The following CEP250 variants were observed in gnomAD, a reference collection of about 807,000 sequenced individuals.
The protein encoded by CEP250 is centrosomal protein 250, also known as centrosome-associated protein CEP250.
In CEP250, 242 loss-of-function variants were observed where a neutral mutation model predicts 315.7. The observed-to-expected ratio is 0.77, with a 90% CI of 0.69 to 0.85. CEP250 has a LOEUF of 0.85. Among genes scored for constraint, CEP250 ranks in the 40% least tolerant of loss-of-function variants. The pLI, the probability that CEP250 is intolerant of heterozygous loss-of-function variation, is 0.00. For synonymous variants in CEP250, 1,088 were observed against 1,175.0 expected, an observed-to-expected ratio of 0.93 and a Z score of 1.51; for missense variants, 2,515 against 2,886.4, an observed-to-expected ratio of 0.87 and a Z score of 2.95.
chr20:35,475,774 G>T, intron 15 of CEP250, 128 bp downstream of exon 15: 2 of 1,028,966 alleles, frequency 1.9e-6, no homozygotes, highest in Non-Finnish European at 2.9e-6. Context: ...CTGCTTCTGG[G>T]TTCTCTATTC....
At chr20:35,501,630 G>A (rs1037441575) in intron 28 of CEP250, among the ~76,000 whole-genome samples, 3 of 152,174 alleles carry the variant, frequency 2.0e-5, no homozygotes, top group Non-Finnish European at 4.4e-5. Flanking sequence ...GGGGCTGGCA[G>A]CAGCAGGGAG....
At chr20:35,510,919 C>T (rs1245605226) in intron 34 of CEP250, among the ~76,000 whole-genome samples, 4 of 152,022 alleles carry the variant, frequency 2.6e-5, no homozygotes, top group South Asian at 2.1e-4. Context: ...CACTTGAACC[C>T]GATGGGGTGG....
chr20:35,503,072 A>G lies in CEP250; in HGVS notation c.4703A>G (p.Lys1568Arg). Residue 1568 changes from lysine to arginine, a missense_variant, in exon 30 of 35, where the codon AAG becomes AGG. Coordinates refer to ENST00000397527, the MANE Select transcript of CEP250 (RefSeq NM_007186.6). This position sits in a 1 kb window ranked among gnomAD's most constrained non-coding sequence, Gnocchi z 4.2. ...CTGGAACTGGAGGAAAACCATCACA[A>G]GATGGAGTGCCAGCAAAAACTGATC... is the stretch of plus-strand genomic sequence containing the variant. Reference protein sequence around the residue: ...LALELEENHHKMECQQKLIKE... With the variant: ...LALELEENHHRMECQQKLIKE... 1.2e-6 allele frequency: 2 copies of G among 1,614,164 alleles called. No homozygotes were observed. The highest frequency in any genetic ancestry group is 2.2e-5 in the South Asian group (2 of 91,084).
intron 3 of CEP250, 81 bp downstream of exon 3, chr20:35,460,186 C>T (rs758753759): frequency 1.3e-5 from 2 of 152,152 alleles, no homozygotes; most frequent in African/African-American, 2.4e-5. Flanking sequence ...TCCCCTGGTT[C>T]GTAGGCTAGG....
intron 14 of CEP250, among the ~76,000 whole-genome samples, chr20:35,475,289 C>T (rs1412771855): frequency 6.6e-6 from 1 of 152,194 alleles, no homozygotes; most frequent in Non-Finnish European, 1.5e-5. Flanking sequence ...ATTCTTTCTT[C>T]CCCCACTTTC....
Position 35,518,475 on chromosome 20 carries a change from T to A in CEP250, c.*6849T>A, listed in dbSNP as rs2064453437. On this transcript the variant is annotated 3_prime_UTR_variant, in exon 35 of 35. Coordinates refer to ENST00000397527, the MANE Select transcript of CEP250 (RefSeq NM_007186.6). ...TATTTGGTTACCCTGAACTACTGTT[T>A]CTACCAAAAAGGCAGGATAAATGCT... The A allele has an allele frequency of 6.6e-6, 1 of 152,172 alleles. No individual in the cohort carries two copies. Among genetic ancestry groups the A allele is most frequent in the Non-Finnish European group, 1.5e-5 (1 of 68,032 alleles). The allele number at this position is 152,172 out of a possible 1,614,324, so 9.4% of individuals were successfully genotyped here.
chr20:35,511,500 C>G lies in CEP250; in HGVS notation c.7203C>G (p.Ala2401=). 1 of 1,614,180 alleles carries G rather than the reference C, an allele frequency of 6.2e-7. No individual in the cohort carries two copies. Among genetic ancestry groups the G allele is most frequent in the Non-Finnish European group, 8.5e-7 (1 of 1,180,032 alleles). The change falls in exon 35 of 35, where the codon GCC becomes GCG. Residue 2401 remains alanine (A), a synonymous_variant. Coordinates refer to ENST00000397527, the MANE Select transcript of CEP250 (RefSeq NM_007186.6). ...ACTCACTTCTTGCCGTGGCCCAGGC[C>G]CCTGAGGCCACTGTCCTGGAGGCAG... ...LSHSLLAVAQ[A]PEATVLEAET...
At chr20:35,480,871 C>G (rs1455282665) in intron 20 of CEP250, among the ~76,000 whole-genome samples, 1 of 152,046 alleles carries the variant, frequency 6.6e-6, no homozygotes, top group Admixed American at 6.6e-5. Flanking sequence ...CAGCTGTGAG[C>G]CACTGTGCCT....
intron 20 of CEP250, among the ~76,000 whole-genome samples, chr20:35,484,718 G>A (rs1180676650): frequency 2.0e-5 from 3 of 151,928 alleles, no homozygotes; most frequent in African/African-American, 7.3e-5. Flanking sequence ...TGAGTAGCTG[G>A]GACCACAGGC....
intron 30 of CEP250, among the ~76,000 whole-genome samples, chr20:35,506,434 G>T (rs1042751078): frequency 6.6e-6 from 1 of 152,104 alleles, no homozygotes; most frequent in African/African-American, 2.4e-5. Flanking sequence ...TTGTACCCCC[G>T]GTACTGAGCA....
intron 1 of CEP250, among the ~76,000 whole-genome samples, chr20:35,456,786 C>T (rs889351603): frequency 1.4e-5 from 2 of 141,362 alleles, no homozygotes; most frequent in African/African-American, 5.2e-5. Context: ...CCTCCCCCCA[C>T]TTTTTTTTTT....
intron 14 of CEP250, among the ~76,000 whole-genome samples, chr20:35,474,358 A>G (rs534520495): frequency 1.3e-5 from 2 of 152,336 alleles, no homozygotes; most frequent in African/African-American, 2.4e-5. Flanking sequence ...AGGCTGGATG[A>G]AGTATGAGTT....
Position 35,466,033 on chromosome 20 carries a change from GT to G in CEP250, c.327-5del. ...TTGCACCCACTTTTACCCCTCCCCA[GT>G]GCAGGTGTGAGAGTCTAGCAGAGGT... On this transcript the variant is annotated splice_polypyrimidine_tract_variant and splice_region_variant and intron_variant, in intron 6 of 34. Coordinates refer to ENST00000397527, the MANE Select transcript of CEP250 (RefSeq NM_007186.6). 1 of 1,614,174 alleles carries G rather than the reference GT, an allele frequency of 6.2e-7. No homozygotes were observed. Among genetic ancestry groups the G allele is most frequent in the Non-Finnish European group, 8.5e-7 (1 of 1,180,024 alleles).
Position 35,497,839 on chromosome 20 carries a change from T to G in CEP250, c.3427T>G (p.Trp1143Gly). ...ITEQQLRASL[W>G]AQEAKAAQLQ... ...GGAGCAGCAGCTGCGAGCCTCCTTG[T>G]GGGCCCAGGAAGCCAAGGCAGCCCA... The change falls in exon 26 of 35, where the codon TGG becomes GGG. Residue 1143 changes from tryptophan (W) to glycine (G), a missense_variant. Coordinates refer to ENST00000397527, the MANE Select transcript of CEP250 (RefSeq NM_007186.6). The G allele has an allele frequency of 6.3e-7, 1 of 1,581,046 alleles. No homozygotes were observed.
At chr20:35,488,177 C>A (rs1442961233) in intron 20 of CEP250, among the ~76,000 whole-genome samples, 3 of 152,214 alleles carry the variant, frequency 2.0e-5, no homozygotes, top group Admixed American at 6.5e-5. Flanking sequence ...AGAATTAGCT[C>A]TTCTTGTAGC....
In CEP250 at chr20:35,504,078, G is replaced by C. The variant is rs1481499366; in HGVS notation, c.5709G>C (p.Leu1903=). 3 of 1,608,314 alleles carry C rather than the reference G, an allele frequency of 1.9e-6. No individual in the cohort carries two copies. The highest frequency in any genetic ancestry group is 1.7e-6 in the Non-Finnish European group (2 of 1,176,484). ...AGTCTCGGGAACAGGAGAAAGCTCT[G>C]TTGGCCCTCCAGCAGCAGTGTGCTG... ...RAESREQEKA[L]LALQQQCAEQ... Residue 1903 remains leucine (L), a synonymous_variant, in exon 30 of 35, where the codon CTG becomes CTC. Coordinates refer to ENST00000397527, the MANE Select transcript of CEP250 (RefSeq NM_007186.6).
At chr20:35,470,212 A>C in intron 10 of CEP250, 1 of 585,726 alleles carries the variant, frequency 1.7e-6, no homozygotes, top group Non-Finnish European at 3.1e-6. Context: ...GGGAAATTGC[A>C]ATGGCATATG....
rs2281849 is a variant in CEP250 at position 35,472,461 on chromosome 20, T to C, written c.1051-212T>C. Among the ~76,000 whole-genome samples, 52,183 of 152,088 alleles carry C rather than the reference T, an allele frequency of 0.34. 10,359 individuals are homozygous for C. Among genetic ancestry groups the C allele is most frequent in the African/African-American group, 0.54 (22,551 of 41,448 alleles). On this transcript the variant is annotated intron_variant, in intron 11 of 34. Transcript: ENST00000397527. ...CCTCATTTATTGTTACCTCAGACAG[T>C]GTTCTAGCCTTGTTGTTAGTCCTAG...
chr20:35,473,721 G>C, intron 13 of CEP250, 149 bp from the exon 14 acceptor site: 2 of 998,530 alleles, frequency 2.0e-6, no homozygotes, highest in South Asian at 3.5e-5. Flanking sequence ...CAAGCTTTTG[G>C]GGTTGGAGTC....
Sources: allele counts gnomAD v4.1 joint callset (sites outside exome capture counted in the v4.1 genomes callset), GRCh38; gene constraint gnomAD v4.1.1; non-coding constraint Gnocchi (gnomAD v3.1); transcripts MANE v1.5; gene names NCBI Gene and HGNC (gene_info 2026-07-23, HGNC 2026-07-21).